TRPC6: variants seen among roughly 807,000 people sequenced by gnomAD.
The protein encoded by TRPC6 is short transient receptor potential channel 6.
Under a neutral mutation model 90.7 loss-of-function variants are expected in TRPC6, and 55 were observed. The ratio of observed to expected loss-of-function variants is 0.61; its 90% CI spans 0.49 to 0.76. TRPC6 has a LOEUF of 0.76. TRPC6 is among the 30% of genes least tolerant of loss of function. TRPC6 has a pLI of 0.00. For synonymous variants in TRPC6, 393 were observed against 393.0 expected (o/e 1.00, Z 0.00); for missense variants, 989 against 1,122.7 (o/e 0.88, Z 1.70).
intron 1 of TRPC6, among the ~76,000 whole-genome samples, chr11:101,551,161 C>T (rs1861440646): frequency 6.6e-6 from 1 of 151,910 alleles, no homozygotes; most frequent in Non-Finnish European, 1.5e-5. Flanking sequence ...TTCAAGTCAA[C>T]ATCCTTCTAT....
At chr11:101,523,598 A>C (rs756663146) in intron 1 of TRPC6, among the ~76,000 whole-genome samples, 2 of 152,232 alleles carry the variant, frequency 1.3e-5, no homozygotes, top group Non-Finnish European at 2.9e-5. Flanking sequence ...TTCAAACTTC[A>C]CTGGAGAGTA....
chr11:101,541,133 C>T (rs1361744486), intron 1 of TRPC6, among the ~76,000 whole-genome samples: 2 of 152,114 alleles, frequency 1.3e-5, no homozygotes, highest in Non-Finnish European at 2.9e-5. Context: ...TTGGTTGGAA[C>T]TTTTATGAGG....
chr11:101,551,978 A>G (rs923662471), intron 1 of TRPC6, among the ~76,000 whole-genome samples: 2 of 152,084 alleles, frequency 1.3e-5, no homozygotes, highest in African/African-American at 4.8e-5. Flanking sequence ...TGATACAAAA[A>G]TAAGAATACA....
At chr11:101,564,339 ACT>A (rs1164686676) in intron 1 of TRPC6, among the ~76,000 whole-genome samples, 1 of 152,164 alleles carries the variant, frequency 6.6e-6, no homozygotes, top group East Asian at 1.9e-4. Context: ...AATTTGCTAA[ACT>A]CTCTTACTGT....
At chr11:101,480,843 T>A (rs1859535377) in intron 5 of TRPC6, among the ~76,000 whole-genome samples, 1 of 152,184 alleles carries the variant, frequency 6.6e-6, no homozygotes, top group African/African-American at 2.4e-5. Flanking sequence ...CACAAGTGAT[T>A]GTTTATTCTT....
chr11:101,503,027 G>C (rs1238044848), intron 2 of TRPC6, among the ~76,000 whole-genome samples: 1 of 152,194 alleles, frequency 6.6e-6, no homozygotes, highest in Non-Finnish European at 1.5e-5. Context: ...AATCAAACCT[G>C]TTTCCAACCT....
At chr11:101,535,376 T>G (rs7113660) in intron 1 of TRPC6, among the ~76,000 whole-genome samples, 1 of 152,008 alleles carries the variant, frequency 6.6e-6, no homozygotes, top group African/African-American at 2.4e-5. Flanking sequence ...CTAGCCCACT[T>G]ATTCCCTAAT....
chr11:101,556,847 A>C (rs1402909730), intron 1 of TRPC6, among the ~76,000 whole-genome samples: 1 of 152,226 alleles, frequency 6.6e-6, no homozygotes, highest in Non-Finnish European at 1.5e-5. Flanking sequence ...CACATTAAAA[A>C]GATCATCCTC....
chr11:101,484,914 C>A (rs1230471067), intron 4 of TRPC6, among the ~76,000 whole-genome samples: 3 of 151,946 alleles, frequency 2.0e-5, no homozygotes, highest in African/African-American at 7.3e-5. Flanking sequence ...ATACGTATAA[C>A]ATATAGTGAT....
chr11:101,476,158 T>C, intron 6 of TRPC6, 143 bp downstream of exon 6: 2 of 710,118 alleles, frequency 2.8e-6, no homozygotes, highest in Non-Finnish European at 2.4e-6. Flanking sequence ...CTTCCTCACA[T>C]ATAGATGCTC....
intron 1 of TRPC6, among the ~76,000 whole-genome samples, chr11:101,520,365 C>A (rs973525939): frequency 2.0e-5 from 3 of 152,150 alleles, no homozygotes; most frequent in Admixed American, 6.5e-5. Flanking sequence ...CCTGCAGAAC[C>A]TCTTTTCTTT....
chr11:101,496,029 A>G (rs977842887), intron 2 of TRPC6, among the ~76,000 whole-genome samples: 1 of 152,074 alleles, frequency 6.6e-6, no homozygotes, highest in Non-Finnish European at 1.5e-5. Context: ...GAAACTTACA[A>G]TCATGGCGGA....
At chr11:101,553,913 G>A (rs769304817) in intron 1 of TRPC6, among the ~76,000 whole-genome samples, 1 of 151,994 alleles carries the variant, frequency 6.6e-6, no homozygotes, top group African/African-American at 2.4e-5. Context: ...TTAAGTCCCT[G>A]CTCTATACTA....
chr11:101,513,537 A>C (rs1860445380), intron 1 of TRPC6, among the ~76,000 whole-genome samples: 2 of 151,544 alleles, frequency 1.3e-5, no homozygotes, highest in Non-Finnish European at 2.9e-5. Flanking sequence ...TTAAACTACT[A>C]GAGAGAGAGA....
rs928275576 is a variant in TRPC6 at position 101,491,389 on chromosome 11, G to A, written c.1128+167C>T. ...GCGGAGCTTGCAGTGAGCCGAGATC[G>A]CACCACTGCACTCCAGACTGGGCGA... On this transcript the variant is annotated intron_variant, in intron 3 of 12. Transcript: ENST00000344327. 17 of 763,998 alleles carry A rather than the reference G, an allele frequency of 2.2e-5. No individual in the cohort carries two copies. The East Asian group carries it at 4.4e-4, about 20-fold the overall frequency. The allele number at this position is 763,998 out of a possible 1,614,324, so 47.3% of individuals were successfully genotyped here. A position where few individuals can be genotyped will look rare whatever the true frequency, so the allele number is the denominator to read the frequency against.
rs779046630 is a variant in TRPC6, at chr11:101,491,719, G to A, written c.965C>T (p.Ser322Leu). ...AACAACAAAGTCTTTGCACTGCATT[G>A]ACAGTTTTTTGTAGTCATTCTAGGA... ...KEFKNDYKKL[S>L]MQCKDFVVGL... Residue 322 changes from serine (S) to leucine (L), a missense_variant, in exon 3 of 13, where the codon TCA becomes TTA. Coordinates refer to ENST00000344327, the MANE Select transcript of TRPC6 (RefSeq NM_004621.6). 6.2e-7 allele frequency: 1 copy of A among 1,612,898 alleles called. No individual in the cohort carries two copies. The highest frequency in any genetic ancestry group is 8.5e-7 in the Non-Finnish European group (1 of 1,179,636).
rs868847267 is a variant in TRPC6 at position 101,451,818 on chromosome 11, C to T, written c.*1137G>A. 1.3e-5 allele frequency: 2 copies of T among 152,172 alleles called. No homozygotes were observed. The highest frequency in any genetic ancestry group is 2.9e-5 in the Non-Finnish European group (2 of 68,026). 9.4% of individuals were successfully genotyped at this position (152,172 alleles called of 1,614,324 possible). A position where few individuals can be genotyped will look rare whatever the true frequency, so the allele number is the denominator to read the frequency against. On this transcript the variant is annotated 3_prime_UTR_variant, in exon 13 of 13. Transcript: ENST00000344327. ...AGTAGCAGTTCCAGTTAATGTCCAGCATCCTCTGAATGCCAATGGTCTTTG... is the reference window on the plus strand; with the variant it reads ...AGTAGCAGTTCCAGTTAATGTCCAGTATCCTCTGAATGCCAATGGTCTTTG...
At chr11:101,565,120 A>G (rs1022453122) in intron 1 of TRPC6, among the ~76,000 whole-genome samples, 2 of 152,098 alleles carry the variant, frequency 1.3e-5, no homozygotes, top group African/African-American at 4.8e-5. Context: ...AACACATAGG[A>G]AAAAAGCTCC....
intron 3 of TRPC6, 125 bp from the exon 4 acceptor site, chr11:101,489,226 T>C (rs1278733850): frequency 4.4e-6 from 4 of 902,052 alleles, no homozygotes; most frequent in South Asian, 1.5e-5. Flanking sequence ...AGAACAAACA[T>C]AAAACATCAA....
Sources: gnomAD v4.1 joint callset for allele counts (sites outside exome capture counted in the v4.1 genomes callset) on GRCh38, gnomAD v4.1.1 for gene constraint, MANE v1.5 for transcripts, NCBI Gene and HGNC (gene_info 2026-07-23, HGNC 2026-07-21) for gene names.